Variants in VSNL1 observed in about 807,000 individuals in gnomAD.
VSNL1 encodes the protein visinin-like protein 1.
VSNL1 carries 6 observed loss-of-function variants against 20.4 expected under a neutral mutation model. The ratio of observed to expected loss-of-function variants is 0.29; its 90% CI spans 0.16 to 0.58. VSNL1 has a LOEUF of 0.58. VSNL1 is among the 20% of genes least tolerant of loss of function. The pLI is 0.90. For missense variants in VSNL1, 100 were observed against 234.5 expected (o/e 0.43, Z 3.75); for synonymous variants, 93 against 86.4 (o/e 1.08, Z -0.42).
At chr2:17,580,229 G>A (rs947667143) in intron 1 of VSNL1, among the ~76,000 whole-genome samples, 39 of 152,198 alleles carry the variant, frequency 2.6e-4, no homozygotes, top group Admixed American at 1.1e-3. Context: ...CCTATGGTTG[G>A]GTCTAGAGTT....
intron 1 of VSNL1, among the ~76,000 whole-genome samples, chr2:17,567,980 A>G (rs1351252459): frequency 6.6e-6 from 1 of 152,078 alleles, no homozygotes; most frequent in Non-Finnish European, 1.5e-5. Context: ...TCTCTTTTCA[A>G]AAGTTAAATT....
chr2:17,625,914 T>C (rs1665499173), intron 2 of VSNL1, among the ~76,000 whole-genome samples: 1 of 148,796 alleles, frequency 6.7e-6, no homozygotes, highest in East Asian at 2.0e-4. Flanking sequence ...GTGATTCTCC[T>C]GCCTCAGCCT....
intron 2 of VSNL1, among the ~76,000 whole-genome samples, chr2:17,646,555 T>C (rs1258989469): frequency 6.6e-6 from 1 of 152,226 alleles, no homozygotes; most frequent in East Asian, 1.9e-4. Context: ...TTATGAAAAT[T>C]AAGTGAGAGA....
chr2:17,559,369 G>A (rs1005240713), intron 1 of VSNL1, among the ~76,000 whole-genome samples: 1 of 147,820 alleles, frequency 6.8e-6, no homozygotes, highest in Admixed American at 6.8e-5. Flanking sequence ...TAATGTAGAT[G>A]TTCAATTTGT....
intron 1 of VSNL1, among the ~76,000 whole-genome samples, chr2:17,557,740 G>T (rs770694472): frequency 6.6e-6 from 1 of 152,110 alleles, no homozygotes; most frequent in Non-Finnish European, 1.5e-5. Context: ...CACTCACAAG[G>T]CTCCAGTAAC....
In VSNL1 at chr2:17,655,280, T is replaced by C. The variant is rs1233819237; in HGVS notation, c.462T>C (p.Ile154=). The change falls in exon 4 of 4, where the codon ATT becomes ATC. Residue 154 remains isoleucine, a synonymous_variant. Transcript: ENST00000295156. This position sits in a 1 kb window ranked among gnomAD's most constrained non-coding sequence, Gnocchi z 5.2. ...CGCCTGAGCAGCGAGTAGACAAGAT[T>C]TTCAGCAAGATGGATAAGAACAAAG... ...GLTPEQRVDK[I]FSKMDKNKDD... The C allele has an allele frequency of 6.2e-7, 1 of 1,614,114 alleles. No individual in the cohort carries two copies. Among genetic ancestry groups the C allele is most frequent in the Admixed American group, 1.7e-5 (1 of 60,012 alleles).
intron 2 of VSNL1, among the ~76,000 whole-genome samples, chr2:17,627,762 G>A (rs1231405793): frequency 2.0e-5 from 3 of 152,206 alleles, no homozygotes; most frequent in Non-Finnish European, 4.4e-5. Flanking sequence ...GAGTGATTGA[G>A]GAAGTTGCAA....
intron 3 of VSNL1, among the ~76,000 whole-genome samples, chr2:17,650,937 T>C (rs866630250): frequency 1.3e-5 from 2 of 152,196 alleles, no homozygotes; most frequent in Non-Finnish European, 2.9e-5. Flanking sequence ...CTTCATTCAA[T>C]TGAATATATA....
chr2:17,543,664 G>A (rs1435161301), intron 1 of VSNL1, among the ~76,000 whole-genome samples: 6 of 152,240 alleles, frequency 3.9e-5, no homozygotes, highest in Non-Finnish European at 8.8e-5. Flanking sequence ...ATAGAGGAGA[G>A]TAGTGCAGCT....
At chr2:17,648,753 C>T (rs2103429427) in intron 2 of VSNL1, among the ~76,000 whole-genome samples, 1 of 152,350 alleles carries the variant, frequency 6.6e-6, no homozygotes, top group African/African-American at 2.4e-5. Context: ...CATTCTCTGC[C>T]TCCCACACAC....
chr2:17,552,906 ACT>A (rs1663578435), intron 1 of VSNL1, among the ~76,000 whole-genome samples: 1 of 152,170 alleles, frequency 6.6e-6, no homozygotes. Flanking sequence ...AGGCCTTATC[ACT>A]CTGAACAAGT....
intron 1 of VSNL1, among the ~76,000 whole-genome samples, chr2:17,588,017 A>G (rs565243599): frequency 8.5e-5 from 13 of 152,270 alleles, no homozygotes; most frequent in African/African-American, 3.1e-4. Flanking sequence ...CTTGTCCATC[A>G]AAGCCCTTCC....
intron 1 of VSNL1, among the ~76,000 whole-genome samples, chr2:17,555,928 G>A (rs1254469997): frequency 6.6e-6 from 1 of 152,118 alleles, no homozygotes; most frequent in African/African-American, 2.4e-5. Flanking sequence ...AGATCCTTAA[G>A]ACAAATATCT....
chr2:17,633,204 T>C (rs1367383777), intron 2 of VSNL1, among the ~76,000 whole-genome samples: 2 of 152,054 alleles, frequency 1.3e-5, no homozygotes, highest in Admixed American at 6.5e-5. Context: ...TCGTGAGGCT[T>C]ATTCACTATC....
At chr2:17,604,720 G>T (rs62132139) in intron 2 of VSNL1, among the ~76,000 whole-genome samples, 8,235 of 152,310 alleles carry the variant, frequency 0.054, 259 homozygotes, top group East Asian at 0.092. Flanking sequence ...AAACATTTTG[G>T]TCTGAAAGCA....
At chr2:17,581,526 G>T (rs6752372) in intron 1 of VSNL1, among the ~76,000 whole-genome samples, 33,209 of 152,156 alleles carry the variant, frequency 0.22, 4,737 homozygotes, top group Middle Eastern at 0.4. Context: ...TTTTAAAAAT[G>T]ATTTTAAACA....
intron 3 of VSNL1, among the ~76,000 whole-genome samples, chr2:17,653,323 G>A (rs925915615): frequency 3.3e-5 from 5 of 152,150 alleles, no homozygotes; most frequent in Non-Finnish European, 5.9e-5. Flanking sequence ...TTATTACCCT[G>A]ACTTTATTAA....
At chr2:17,627,433 G>C (rs1471994054) in intron 2 of VSNL1, among the ~76,000 whole-genome samples, 1 of 152,246 alleles carries the variant, frequency 6.6e-6, no homozygotes, top group Non-Finnish European at 1.5e-5. Flanking sequence ...TAGCAAAAGT[G>C]TAATACACAC....
chr2:17,577,743 GA>G (rs1043954178), intron 1 of VSNL1, among the ~76,000 whole-genome samples: 1 of 152,086 alleles, frequency 6.6e-6, no homozygotes, highest in East Asian at 1.9e-4. Flanking sequence ...CTCACTTGGG[GA>G]AAAAAATGTT....
Sources: gnomAD v4.1 joint callset for allele counts (sites outside exome capture counted in the v4.1 genomes callset) on GRCh38, gnomAD v4.1.1 for gene constraint, Gnocchi (gnomAD v3.1) non-coding constraint, MANE v1.5 for transcripts, NCBI Gene and HGNC (gene_info 2026-07-23, HGNC 2026-07-21) for gene names.